PC: variants seen among roughly 807,000 people sequenced by gnomAD.
PC encodes pyruvate carboxylase.
Under a neutral mutation model 107.8 loss-of-function variants are expected in PC, and 46 were observed. The observed-to-expected ratio is 0.43, with a 90% CI of 0.34 to 0.55. PC has a LOEUF of 0.55. Ranked by LOEUF, PC falls within the 20% of genes least tolerant of loss-of-function variation. The pLI, the probability that PC is intolerant of heterozygous loss-of-function variation, is 0.04. For missense variants in PC, 1,241 were observed against 1,643.1 expected (o/e 0.76, Z 4.23); for synonymous variants, 662 against 684.7 (o/e 0.97, Z 0.52).
intron 16 of PC, 56 bp from the exon 17 acceptor site, chr11:66,851,336 C>A (rs1353119674): frequency 4.4e-6 from 7 of 1,597,774 alleles, no homozygotes; most frequent in Non-Finnish European, 5.9e-6. Context: ...TCTGAACAGT[C>A]TTCCCTGGCT....
chr11:66,897,612 G>A (rs1003051183), intron 3 of PC, among the ~76,000 whole-genome samples: 1 of 152,050 alleles, frequency 6.6e-6, no homozygotes, highest in Admixed American at 6.6e-5. Context: ...TACAACATGC[G>A]AAAAGCTATC....
At chr11:66,894,519 G>A (rs148840153) in intron 3 of PC, among the ~76,000 whole-genome samples, 338 of 152,348 alleles carry the variant, frequency 2.2e-3, no homozygotes, top group African/African-American at 7.6e-3. Context: ...AACAGGAGAG[G>A]AGACAACAGC....
intron 3 of PC, among the ~76,000 whole-genome samples, chr11:66,899,626 G>A (rs1393336924): frequency 3.3e-5 from 5 of 152,110 alleles, no homozygotes; most frequent in East Asian, 1.9e-4. Context: ...GTGAGCCACC[G>A]TACCCAGCCA....
rs770763439 is a variant in PC, at chr11:66,871,123, C to T, written c.562G>A (p.Gly188Ser). 31 of 1,613,778 alleles carry T rather than the reference C, an allele frequency of 1.9e-5. 1 individual carries two copies. The Middle Eastern group carries it at 4.9e-4, about 26-fold the overall frequency. Residue 188 changes from glycine (G) to serine (S), a missense_variant, in exon 7 of 23, where the codon GGC (glycine) becomes AGC (serine). By Grantham distance (56) the Gly-to-Ser change is moderately conservative. Around this residue, in one of 2 missense-constraint regions of PC, gnomAD observed 1,143 missense variants for 1,551.9 expected, o/e 0.74. Transcript: ENST00000393960. This position sits in a 1 kb window ranked among gnomAD's most constrained non-coding sequence, Gnocchi z 7.4. The part of the protein sequence containing the change: ...HEAHEFSNTY[G>S]FPIIFKAAYG... ...GCCGCCTTGAAGATGATGGGGAAGC[C>T]GTAGGTGTTGGAGAACTCGTGGGCC...
intron 12 of PC, chr11:66,860,626 C>G (rs1052999766): frequency 2.9e-6 from 2 of 701,420 alleles, no homozygotes; most frequent in Non-Finnish European, 5.2e-6. Flanking sequence ...TCCACAGGGG[C>G]GGCCCAGGGC....
At chr11:66,867,841 G>C (rs1322631632) in intron 10 of PC, among the ~76,000 whole-genome samples, 1 of 152,272 alleles carries the variant, frequency 6.6e-6, no homozygotes, top group East Asian at 1.9e-4. Context: ...CCTAAGGGGA[G>C]GGAGGGGCCT....
At chr11:66,916,213 C>T (rs773212602) in intron 3 of PC, among the ~76,000 whole-genome samples, 34 of 152,182 alleles carry the variant, frequency 2.2e-4, no homozygotes, top group African/African-American at 4.8e-4. Flanking sequence ...CTGTAGACAG[C>T]AAGCCTGTCC....
rs142450841 is a variant in PC, at chr11:66,870,827, C to T, written c.699G>A (p.Leu233=). ...EALAAFGNGA[L]FVEKFIEKPR... ...GCTTCTCGATGAACTTCTCCACAAA[C>T]AGCGCCCCATTCCCAAAGGCGGCCA... The change falls in exon 8 of 23, where the codon CTG becomes CTA. Residue 233 remains leucine, a synonymous_variant. Coordinates refer to ENST00000393960, the MANE Select transcript of PC (RefSeq NM_001040716.2). The surrounding 1 kb of genome is among the most constrained non-coding windows in gnomAD (Gnocchi z 6.1). 10 of 1,613,644 alleles carry T rather than the reference C, an allele frequency of 6.2e-6. No individual in the cohort carries two copies. In the African/African-American group the frequency reaches 1.2e-4, roughly 19 times the overall value.
rs75353314 is a variant in PC at position 66,908,990 on chromosome 11, G to A, written c.1-36831C>T. On this transcript the variant is annotated intron_variant, in intron 3 of 22. Coordinates refer to ENST00000393960, the MANE Select transcript of PC (RefSeq NM_001040716.2). ...GCCCATGAAGGAAGGGGGCTACCCG[G>A]AAGGTGAGCTCAGAATGAGACTCAA... 2.0e-3 allele frequency among the ~76,000 whole-genome samples: 304 copies of A among 152,290 alleles called. 8 individuals are homozygous for A. In the East Asian group the frequency reaches 0.053, roughly 26 times the overall value.
At chr11:66,879,483 G>A (rs542739582) in intron 3 of PC, among the ~76,000 whole-genome samples, 147 of 152,334 alleles carry the variant, frequency 9.6e-4, no homozygotes, top group Admixed American at 4.9e-3. Flanking sequence ...ACCCTGTACC[G>A]GCCTTCAGTG....
At position 66,851,809 on chromosome 11, in the gene PC, G is replaced by GGTA. The variant is rs1323549594; in HGVS notation, c.1960_1962dup (p.Tyr654dup). ...GCTCACTTGAAGACCACGTTGTCTG[G>GGTA]GTAGTTGGTGTAGCCCACAGCATTG... On this transcript the variant is annotated inframe_insertion, in exon 16 of 23. Coordinates refer to ENST00000393960, the MANE Select transcript of PC (RefSeq NM_001040716.2). 1 of 1,614,150 alleles carries GGTA rather than the reference G, an allele frequency of 6.2e-7. No individual in the cohort carries two copies. The highest frequency in any genetic ancestry group is 8.5e-7 in the Non-Finnish European group (1 of 1,180,006).
chr11:66,943,840 C>T (rs566512219), intron 3 of PC, among the ~76,000 whole-genome samples: 4 of 148,374 alleles, frequency 2.7e-5, no homozygotes, highest in South Asian at 2.1e-4. Flanking sequence ...AAAAATTAGC[C>T]GGGCGTCGTG....
chr11:66,883,096 G>A lies in PC; in HGVS notation c.1-10937C>T, dbSNP rs58204291. Among the ~76,000 whole-genome samples the A allele has an allele frequency of 1.2e-3, 176 of 152,294 alleles. 1 individual carries two copies. Among genetic ancestry groups the A allele is most frequent in the African/African-American group, 4.1e-3 (172 of 41,570 alleles). On this transcript the variant is annotated intron_variant, in intron 3 of 22. Transcript: ENST00000393960. Reference sequence around the variant, plus strand: ...CTGCTCCAAGTGGCACTGCGGCGACGAACAGCAGTGAACAGTGCCAGCAGG... The same window carrying A: ...CTGCTCCAAGTGGCACTGCGGCGACAAACAGCAGTGAACAGTGCCAGCAGG...
chr11:66,856,504 C>T (rs559140852), intron 12 of PC: 1 of 152,660 alleles, frequency 6.6e-6, no homozygotes, highest in African/African-American at 2.4e-5. Flanking sequence ...GCCCCAGCCC[C>T]CCCCACGGCC....
chr11:66,859,988 A>G, intron 12 of PC: 1 of 1,592,132 alleles, frequency 6.3e-7, no homozygotes, highest in Admixed American at 1.7e-5. Context: ...CCAGCCCCAC[A>G]CCCAAGGCCC....
At position 66,866,899 on chromosome 11, in the gene PC, A is replaced by G. The variant is rs112012161; in HGVS notation, c.1023-550T>C. ...GTAACCACAGCTGTGAGAGGGTTGC[A>G]CAGTGGGTGCTGGGTCAGGACCTGT... On this transcript the variant is annotated intron_variant, in intron 10 of 22. Transcript: ENST00000393960. The surrounding 1 kb of genome is among the most constrained non-coding windows in gnomAD (Gnocchi z 5.4). 3.9e-5 allele frequency among the ~76,000 whole-genome samples: 6 copies of G among 152,282 alleles called. No homozygotes were observed. The highest frequency in any genetic ancestry group is 1.4e-4 in the African/African-American group (6 of 41,560).
intron 3 of PC, among the ~76,000 whole-genome samples, chr11:66,888,083 C>A (rs971892149): frequency 1.3e-5 from 2 of 152,334 alleles, no homozygotes; most frequent in African/African-American, 4.8e-5. Flanking sequence ...TCCGGGATCA[C>A]CTTTCCAGGT....
chr11:66,919,401 G>A (rs565450473), intron 3 of PC, among the ~76,000 whole-genome samples: 4 of 152,336 alleles, frequency 2.6e-5, no homozygotes, highest in Non-Finnish European at 5.9e-5. Flanking sequence ...GGGCAACAGA[G>A]TGAGACTCTG....
At chr11:66,873,741 T>C (rs1946873946) in intron 3 of PC, among the ~76,000 whole-genome samples, 1 of 150,064 alleles carries the variant, frequency 6.7e-6, no homozygotes, top group Non-Finnish European at 1.5e-5. Flanking sequence ...TTTTCACCCC[T>C]GCATCTGGGC....
Sources: gnomAD v4.1 joint callset for allele counts (sites outside exome capture counted in the v4.1 genomes callset) on GRCh38, gnomAD v4.1.1 for gene constraint, gnomAD v4.1.1 regional missense constraint, Gnocchi (gnomAD v3.1) non-coding constraint, MANE v1.5 for transcripts, NCBI Gene and HGNC (gene_info 2026-07-23, HGNC 2026-07-21) for gene names.